PDE1C: variants seen among roughly 807,000 people sequenced by gnomAD.
PDE1C encodes the protein phosphodiesterase 1C.
A neutral mutation model predicts 93.1 loss-of-function variants in PDE1C; 62 were observed. That is an observed-to-expected ratio of 0.67 (90% CI 0.54 to 0.82). PDE1C has a LOEUF of 0.82. Ranked by LOEUF, PDE1C falls within the 40% of genes least tolerant of loss-of-function variation. The probability of loss-of-function intolerance (pLI) is 0.00; values close to 1 mark genes in which losing one functional copy is unlikely to be tolerated. For missense variants in PDE1C, 742 were observed against 884.6 expected, an observed-to-expected ratio of 0.84 and a Z score of 2.04; for synonymous variants, 325 against 310.1, an observed-to-expected ratio of 1.05 and a Z score of -0.50.
chr7:31,673,137 A>G, the PDE1C span, among the ~76,000 whole-genome samples: 2 of 152,204 alleles, frequency 1.3e-5, no homozygotes, highest in Admixed American at 6.5e-5. Context: ...CAGTGTGAAA[A>G]TGGACTAATA....
intron 1 of PDE1C, among the ~76,000 whole-genome samples, chr7:32,227,404 G>A (rs1001921690): frequency 3.9e-5 from 6 of 152,114 alleles, no homozygotes; most frequent in Non-Finnish European, 7.3e-5. Context: ...TGGCTCTTAT[G>A]AAAACTGTAA....
upstream of PDE1C, among the ~76,000 whole-genome samples, chr7:32,072,142 C>T (rs1343126647): frequency 6.6e-6 from 1 of 152,166 alleles, no homozygotes; most frequent in East Asian, 1.9e-4. Context: ...TCACCCACTT[C>T]ATAATTGGCA....
intron 2 of PDE1C, among the ~76,000 whole-genome samples, chr7:31,949,737 AT>A (rs2129012868): frequency 6.6e-6 from 1 of 152,306 alleles, no homozygotes; most frequent in South Asian, 2.1e-4. Flanking sequence ...AAAATAAAGC[AT>A]TTTTATTTAT....
At chr7:31,874,245 T>C (rs1306439539) in intron 5 of PDE1C, among the ~76,000 whole-genome samples, 2 of 152,236 alleles carry the variant, frequency 1.3e-5, no homozygotes, top group Non-Finnish European at 2.9e-5. Flanking sequence ...TACTCCAAAA[T>C]ATATGTAAAT....
the PDE1C span, among the ~76,000 whole-genome samples, chr7:31,625,749 G>A: frequency 8.6e-5 from 13 of 151,796 alleles, no homozygotes; most frequent in African/African-American, 3.1e-4. Context: ...TTGTGCACAT[G>A]TACCCTAAAC....
At chr7:32,300,836 T>A (rs374932397), upstream of PDE1C, among the ~76,000 whole-genome samples, 11 of 152,210 alleles carry the variant, frequency 7.2e-5, no homozygotes, top group Admixed American at 3.3e-4. Context: ...GTGGGCTTGG[T>A]TTTTTGTTTG....
At chr7:32,246,875 T>C (rs1808999776) in intron 1 of PDE1C, among the ~76,000 whole-genome samples, 3 of 152,258 alleles carry the variant, frequency 2.0e-5, no homozygotes, top group South Asian at 2.1e-4. Context: ...ATGGTGGCTA[T>C]AATTTTGAAT....
At chr7:31,924,641 C>G (rs1448591333) in intron 2 of PDE1C, among the ~76,000 whole-genome samples, 6 of 152,196 alleles carry the variant, frequency 3.9e-5, no homozygotes, top group African/African-American at 1.4e-4. Context: ...TTTTGGGAAC[C>G]CCCGAGTTTA....
chr7:31,942,394 A>G (rs1805976019), intron 2 of PDE1C, among the ~76,000 whole-genome samples: 1 of 152,072 alleles, frequency 6.6e-6, no homozygotes, highest in Non-Finnish European at 1.5e-5. Flanking sequence ...AGTTACCCCA[A>G]AGAAGGGTGG....
At chr7:31,713,240 C>T in the PDE1C span, among the ~76,000 whole-genome samples, 2 of 152,144 alleles carry the variant, frequency 1.3e-5, no homozygotes, top group Admixed American at 1.3e-4. Context: ...GAGAAATTGG[C>T]CAAAACAAAG....
At chr7:31,775,108 A>G (rs1276469312) in intron 17 of PDE1C, among the ~76,000 whole-genome samples, 2 of 152,224 alleles carry the variant, frequency 1.3e-5, no homozygotes, top group Non-Finnish European at 2.9e-5. Context: ...TTGCCAGTAC[A>G]TGTGAGATTG....
chr7:31,842,915 A>G (rs1338203032), intron 9 of PDE1C, among the ~76,000 whole-genome samples: 1 of 151,874 alleles, frequency 6.6e-6, no homozygotes, highest in Non-Finnish European at 1.5e-5. Flanking sequence ...TATTGCACAC[A>G]TTTTTAATAT....
chr7:31,648,541 C>A, the PDE1C span, among the ~76,000 whole-genome samples: 1 of 152,180 alleles, frequency 6.6e-6, no homozygotes, highest in Non-Finnish European at 1.5e-5. Context: ...AGAGAGCAAA[C>A]ACTCCATCAG....
At chr7:32,372,684 A>T (rs1357797787) in intron 1 of PDE1C, among the ~76,000 whole-genome samples, 5 of 152,212 alleles carry the variant, frequency 3.3e-5, no homozygotes, top group Admixed American at 6.5e-5. Context: ...CAAGAAAATG[A>T]ATGGGAGAAA....
At chr7:32,374,966 C>A (rs958707662) in intron 1 of PDE1C, among the ~76,000 whole-genome samples, 2 of 152,266 alleles carry the variant, frequency 1.3e-5, no homozygotes, top group African/African-American at 2.4e-5. Context: ...GTTCCCAGGA[C>A]GCCCAGTTGC....
rs538305290 is a variant in PDE1C at position 31,845,674 on chromosome 7, AT to A, written c.980+2293del. Among the ~76,000 whole-genome samples the A allele has an allele frequency of 4.9e-3, 746 of 152,180 alleles. 7 individuals are homozygous for A. Among genetic ancestry groups the A allele is most frequent in the African/African-American group, 0.014 (595 of 41,516 alleles). ...CAGAACTTAAAATATAATAAAAAAA[AT>A]TTTTAAAAAGGTTTGAAAAAAATAA... On this transcript the variant is annotated intron_variant, in intron 9 of 17. Coordinates refer to ENST00000396191, the MANE Select transcript of PDE1C (RefSeq NM_001191057.4).
intron 1 of PDE1C, among the ~76,000 whole-genome samples, chr7:32,411,834 A>C: frequency 6.8e-6 from 1 of 146,892 alleles, no homozygotes; most frequent in Admixed American, 6.7e-5. Flanking sequence ...GTGCAAAAAA[A>C]AATTATTTTC....
the PDE1C span, among the ~76,000 whole-genome samples, chr7:31,735,349 G>C: frequency 6.7e-6 from 1 of 150,190 alleles, no homozygotes; most frequent in Admixed American, 6.7e-5. Flanking sequence ...AGTGAGCTGA[G>C]ATCATGCCAT....
the PDE1C span, among the ~76,000 whole-genome samples, chr7:31,719,229 G>A: frequency 6.6e-6 from 1 of 152,124 alleles, no homozygotes; most frequent in South Asian, 2.1e-4. Flanking sequence ...AACACTCTAT[G>A]GCTCCCAGCC....
Sources: gnomAD v4.1 joint callset for allele counts (sites outside exome capture counted in the v4.1 genomes callset) on GRCh38, gnomAD v4.1.1 for gene constraint, MANE v1.5 for transcripts, NCBI Gene and HGNC (gene_info 2026-07-23, HGNC 2026-07-21) for gene names.